Variants in ATP6V1E2 observed in about 807,000 individuals in gnomAD.
ATP6V1E2 encodes V-type proton ATPase subunit E 2.
For synonymous variants in ATP6V1E2, 121 were observed against 104.2 expected (o/e 1.16, Z -0.98); for missense variants, 308 against 273.3 (o/e 1.13, Z -0.90).
intron 4 of ATP6V1E2, chr2:46,534,469 G>A (rs981540710): frequency 6.6e-6 from 1 of 151,620 alleles, no homozygotes; most frequent in Admixed American, 6.6e-5. Flanking sequence ...AATTTTTTAA[G>A]TCCTTGTCTG....
chr2:46,515,564 G>T (rs557660464), intron 4 of ATP6V1E2, among the ~76,000 whole-genome samples: 26 of 152,186 alleles, frequency 1.7e-4, no homozygotes, highest in Middle Eastern at 6.8e-3. Flanking sequence ...GGGCAGGTAT[G>T]GGGGAGTCAA....
At chr2:46,531,469 A>T (rs1667176708) in intron 4 of ATP6V1E2, among the ~76,000 whole-genome samples, 1 of 152,268 alleles carries the variant, frequency 6.6e-6, no homozygotes, top group Non-Finnish European at 1.5e-5. Flanking sequence ...GGCTACTGGG[A>T]ATAGTGCCAC....
chr2:46,511,869 T>C lies in ATP6V1E2; in HGVS notation c.*162A>G. 1 of 615,116 alleles carries C rather than the reference T, an allele frequency of 1.6e-6. No homozygotes were observed. Among genetic ancestry groups the C allele is most frequent in the Non-Finnish European group, 2.6e-6 (1 of 382,356 alleles). 38.1% of individuals were successfully genotyped at this position (615,116 alleles called of 1,614,324 possible). On this transcript the variant is annotated 3_prime_UTR_variant, in exon 5 of 5. Transcript: ENST00000522587. ...GAATTCTGAGCATTAATTTGGGCTT[T>C]ATTTCAAAGTTAACACTTTAGCTAT...
At chr2:46,517,549 C>G (rs1204321458) in intron 4 of ATP6V1E2, among the ~76,000 whole-genome samples, 1 of 152,130 alleles carries the variant, frequency 6.6e-6, no homozygotes, top group African/African-American at 2.4e-5. Flanking sequence ...AAAAGGTCAC[C>G]AATGGAGTGG....
chr2:46,520,697 A>G (rs1255085952), intron 4 of ATP6V1E2, among the ~76,000 whole-genome samples: 1 of 152,226 alleles, frequency 6.6e-6, no homozygotes, highest in African/African-American at 2.4e-5. Flanking sequence ...GATACAATTC[A>G]GAGCTGGATT....
chr2:46,522,551 C>T (rs1377387937), intron 4 of ATP6V1E2, among the ~76,000 whole-genome samples: 1 of 152,124 alleles, frequency 6.6e-6, no homozygotes, highest in African/African-American at 2.4e-5. Flanking sequence ...TTCATCCATG[C>T]CCCTGTAAAG....
intron 4 of ATP6V1E2, among the ~76,000 whole-genome samples, chr2:46,532,817 T>C (rs1024550439): frequency 4.6e-5 from 7 of 152,224 alleles, no homozygotes; most frequent in African/African-American, 1.7e-4. Context: ...CTAAGAGAAA[T>C]GAACTTTTAT....
At chr2:46,517,454 A>G (rs1024399901) in intron 4 of ATP6V1E2, among the ~76,000 whole-genome samples, 2 of 152,230 alleles carry the variant, frequency 1.3e-5, no homozygotes, top group Non-Finnish European at 2.9e-5. Context: ...CAGAGAAAGC[A>G]CAGACAACAA....
rs1479960784 is a variant in ATP6V1E2, at chr2:46,535,252, A to G, written c.-102+561T>C. On this transcript the variant is annotated intron_variant, in intron 4 of 4. Coordinates refer to ENST00000522587, the MANE Select transcript of ATP6V1E2 (RefSeq NM_001318063.2). This position sits in a 1 kb window ranked among gnomAD's most constrained non-coding sequence, Gnocchi z 4.4. Reference sequence around the variant, plus strand: ...AATTTTAAAGTTGCTCACATTAGAAAGGTACAGCCAATACCAGTTATTTGG... The same window carrying G: ...AATTTTAAAGTTGCTCACATTAGAAGGGTACAGCCAATACCAGTTATTTGG... 6.6e-6 allele frequency: 1 copy of G among 152,202 alleles called. No homozygotes were observed. The highest frequency in any genetic ancestry group is 1.5e-5 in the Non-Finnish European group (1 of 68,030). The allele number at this position is 152,202 out of a possible 1,614,324, so 9.4% of individuals were successfully genotyped here.
intron 4 of ATP6V1E2, among the ~76,000 whole-genome samples, chr2:46,513,695 C>A (rs766194478): frequency 6.6e-6 from 1 of 151,882 alleles, no homozygotes. Flanking sequence ...CTTGGTGGCA[C>A]GTGTCTGTAG....
At chr2:46,531,660 C>G (rs1359286443) in intron 4 of ATP6V1E2, among the ~76,000 whole-genome samples, 3 of 152,188 alleles carry the variant, frequency 2.0e-5, no homozygotes, top group African/African-American at 7.2e-5. Flanking sequence ...TAAAGGGTTC[C>G]AATTTCTTCA....
chr2:46,527,696 TTTAAA>T (rs1666991964), intron 4 of ATP6V1E2, among the ~76,000 whole-genome samples: 6 of 152,140 alleles, frequency 3.9e-5, no homozygotes, highest in Admixed American at 3.9e-4. Flanking sequence ...GTTTTTTGTT[TTTAAA>T]TAATAGCCAT....
At chr2:46,521,111 C>T (rs902032345) in intron 4 of ATP6V1E2, among the ~76,000 whole-genome samples, 4 of 152,168 alleles carry the variant, frequency 2.6e-5, no homozygotes, top group Admixed American at 6.5e-5. Flanking sequence ...TGGGTCTCAC[C>T]ATTTTGCTGA....
intron 4 of ATP6V1E2, among the ~76,000 whole-genome samples, chr2:46,531,007 T>A (rs1422595227): frequency 6.6e-6 from 1 of 150,914 alleles, no homozygotes; most frequent in African/African-American, 2.4e-5. Flanking sequence ...CCTGACTTTT[T>A]TTCTCTTGGT....
intron 4 of ATP6V1E2, among the ~76,000 whole-genome samples, chr2:46,533,751 T>C (rs1667305264): frequency 6.6e-6 from 1 of 152,240 alleles, no homozygotes; most frequent in Non-Finnish European, 1.5e-5. Context: ...GAAGATCTTC[T>C]GGTTTAAAAA....
intron 4 of ATP6V1E2, among the ~76,000 whole-genome samples, chr2:46,525,477 G>GAAA (rs541025098): frequency 7.9e-6 from 1 of 126,516 alleles, no homozygotes; most frequent in African/African-American, 3.0e-5. Flanking sequence ...AAAAAAAAAA[G>GAAA]AAAAAAAAAA....
chr2:46,515,364 T>C (rs969720139), intron 4 of ATP6V1E2, among the ~76,000 whole-genome samples: 1 of 152,184 alleles, frequency 6.6e-6, no homozygotes, highest in African/African-American at 2.4e-5. Flanking sequence ...ATTTGTGACA[T>C]AAATAACAAT....
chr2:46,520,307 A>C (rs2103856710), intron 4 of ATP6V1E2, among the ~76,000 whole-genome samples: 1 of 152,274 alleles, frequency 6.6e-6, no homozygotes, highest in East Asian at 1.9e-4. Flanking sequence ...TTATGAGCCC[A>C]CATGGGCCTG....
At position 46,530,380 on chromosome 2, in the gene ATP6V1E2, C is replaced by T. The variant is rs537274821; in HGVS notation, c.-102+5433G>A. ...CAGGGTAGGTCAGGCATCCACCTCT[C>T]AGGAACCAAGAACCATCATCCTCCT... On this transcript the variant is annotated intron_variant, in intron 4 of 4. Coordinates refer to ENST00000522587, the MANE Select transcript of ATP6V1E2 (RefSeq NM_001318063.2). The surrounding 1 kb of genome is among the most constrained non-coding windows in gnomAD (Gnocchi z 5.2). Among the ~76,000 whole-genome samples, 1 of 152,288 alleles carries T rather than the reference C, an allele frequency of 6.6e-6. No homozygotes were observed. Among genetic ancestry groups the T allele is most frequent in the Admixed American group, 6.5e-5 (1 of 15,298 alleles).
Sources: allele counts gnomAD v4.1 joint callset (sites outside exome capture counted in the v4.1 genomes callset), GRCh38; gene constraint gnomAD v4.1.1; non-coding constraint Gnocchi (gnomAD v3.1); transcripts MANE v1.5; gene names NCBI Gene and HGNC (gene_info 2026-07-23, HGNC 2026-07-21).